PARM1: variants seen among roughly 807,000 people sequenced by gnomAD.
PARM1 encodes WSC4, cell wall integrity and stress response component 4 homolog.
In PARM1, 14 loss-of-function variants were observed where a neutral mutation model predicts 24.6. The observed-to-expected ratio is 0.57, with a 90% CI of 0.38 to 0.89. The LOEUF (loss-of-function observed/expected upper bound fraction) is 0.89. Ranked by LOEUF, PARM1 falls within the 40% of genes least tolerant of loss-of-function variation. The pLI is 0.00. For synonymous variants in PARM1, 179 were observed against 156.6 expected, an observed-to-expected ratio of 1.14 and a Z score of -1.07; for missense variants, 362 against 380.4, an observed-to-expected ratio of 0.95 and a Z score of 0.40.
chr4:74,978,373 T>C lies in PARM1; in HGVS notation c.44-34052T>C, dbSNP rs187129158. ...CAAAGATAAAAAAATACAAAGAAGG[T>C]CATAATGGTAAAGGGTTCAATTCAA... On this transcript the variant is annotated intron_variant, in intron 1 of 3. Coordinates refer to ENST00000307428, the MANE Select transcript of PARM1 (RefSeq NM_015393.4). Among the ~76,000 whole-genome samples the C allele has an allele frequency of 4.4e-3, 661 of 151,186 alleles. 3 individuals are homozygous for C. The highest frequency in any genetic ancestry group is 7.5e-3 in the Non-Finnish European group (504 of 67,400).
chr4:74,990,458 T>C (rs767085682), intron 1 of PARM1, among the ~76,000 whole-genome samples: 16 of 152,184 alleles, frequency 1.1e-4, no homozygotes, highest in Non-Finnish European at 1.9e-4. Context: ...TCCAAAATAC[T>C]GTTGGCTTCA....
In PARM1 at chr4:74,933,196, G is replaced by T; in HGVS notation, c.-132G>T. The T allele has an allele frequency of 1.4e-6, 1 of 700,672 alleles. No individual in the cohort carries two copies. The highest frequency in any genetic ancestry group is 2.5e-6 in the Non-Finnish European group (1 of 400,996). The allele number at this position is 700,672 out of a possible 1,614,324, so 43.4% of individuals were successfully genotyped here. Reference sequence around the variant, plus strand: ...CTCGTTTGCCTCGCGCCCTCCACTGGAGCTGTTCGCGCCTCCCGGCTCCCA... The same window carrying T: ...CTCGTTTGCCTCGCGCCCTCCACTGTAGCTGTTCGCGCCTCCCGGCTCCCA... On this transcript the variant is annotated 5_prime_UTR_variant, in exon 1 of 4. Coordinates refer to ENST00000307428, the MANE Select transcript of PARM1 (RefSeq NM_015393.4).
intron 2 of PARM1, among the ~76,000 whole-genome samples, chr4:75,030,993 C>T (rs1042065828): frequency 6.6e-6 from 1 of 152,158 alleles, no homozygotes; most frequent in East Asian, 1.9e-4. Flanking sequence ...TTTTCAGTCA[C>T]CCTATAAAGT....
chr4:74,982,100 A>G (rs1722268703), intron 1 of PARM1, among the ~76,000 whole-genome samples: 1 of 152,210 alleles, frequency 6.6e-6, no homozygotes, highest in African/African-American at 2.4e-5. Context: ...TACATGATGG[A>G]ATACTATGCA....
chr4:74,988,436 T>C (rs1220224396), intron 1 of PARM1, among the ~76,000 whole-genome samples: 1 of 152,128 alleles, frequency 6.6e-6, no homozygotes, highest in East Asian at 1.9e-4. Flanking sequence ...TGCTGCTGTG[T>C]AAATATGGGA....
intron 2 of PARM1, among the ~76,000 whole-genome samples, chr4:75,031,472 G>T (rs1429329329): frequency 6.6e-6 from 1 of 151,772 alleles, no homozygotes; most frequent in Non-Finnish European, 1.5e-5. Context: ...GGTACACTTG[G>T]AGCTAGAGAG....
At chr4:75,003,127 C>G (rs891986470) in intron 1 of PARM1, among the ~76,000 whole-genome samples, 11 of 152,160 alleles carry the variant, frequency 7.2e-5, no homozygotes, top group Non-Finnish European at 1.3e-4. Context: ...AGAGAAGCTG[C>G]TTGCCCTCCT....
chr4:75,006,115 G>T (rs1560789661), intron 1 of PARM1, among the ~76,000 whole-genome samples: 1 of 152,172 alleles, frequency 6.6e-6, no homozygotes, highest in African/African-American at 2.4e-5. Context: ...TGTGTTTTGG[G>T]TGGGAAGGTG....
chr4:75,035,980 C>T (rs1405507560), intron 3 of PARM1, among the ~76,000 whole-genome samples: 1 of 152,050 alleles, frequency 6.6e-6, no homozygotes, highest in African/African-American at 2.4e-5. Flanking sequence ...GCAGATACAC[C>T]GTATTTTAAT....
intron 3 of PARM1, among the ~76,000 whole-genome samples, chr4:75,041,916 C>G (rs1723496371): frequency 6.6e-6 from 1 of 152,182 alleles, no homozygotes; most frequent in Non-Finnish European, 1.5e-5. Flanking sequence ...AGCACAGTGC[C>G]ATTGATTAAC....
chr4:75,049,974 T>C lies in PARM1; in HGVS notation c.*3727T>C, dbSNP rs1226420821. On this transcript the variant is annotated 3_prime_UTR_variant, in exon 4 of 4. Transcript: ENST00000307428. Reference sequence around the variant, plus strand: ...AAGAGATCAATGCCAGATTTTTCTCTTGGGGTAAGTTAGCTGAAGTCATTT... The same window carrying C: ...AAGAGATCAATGCCAGATTTTTCTCCTGGGGTAAGTTAGCTGAAGTCATTT... 6.6e-6 allele frequency: 1 copy of C among 152,480 alleles called. No homozygotes were observed. The highest frequency in any genetic ancestry group is 2.4e-5 in the African/African-American group (1 of 41,378). 9.4% of individuals were successfully genotyped at this position (152,480 alleles called of 1,614,324 possible).
At chr4:75,033,806 G>A in intron 2 of PARM1, 77 bp from the exon 3 acceptor site, 4 of 1,148,450 alleles carry the variant, frequency 3.5e-6, no homozygotes, top group Non-Finnish European at 5.0e-6. Context: ...GCAGAAGGTG[G>A]ATACTACGCA....
intron 1 of PARM1, among the ~76,000 whole-genome samples, chr4:74,947,395 G>A (rs1053910701): frequency 6.6e-6 from 1 of 151,998 alleles, no homozygotes; most frequent in Non-Finnish European, 1.5e-5. Context: ...GATTGACAGA[G>A]GTAGGAGGAA....
chr4:74,987,223 A>G (rs930017875), intron 1 of PARM1, among the ~76,000 whole-genome samples: 1 of 152,156 alleles, frequency 6.6e-6, no homozygotes, highest in Non-Finnish European at 1.5e-5. Flanking sequence ...AGTTTCCTAG[A>G]GGAAAGAATC....
intron 2 of PARM1, among the ~76,000 whole-genome samples, chr4:75,015,049 G>A (rs1722955443): frequency 6.6e-6 from 1 of 152,084 alleles, no homozygotes; most frequent in South Asian, 2.1e-4. Flanking sequence ...CCACTTGTCT[G>A]TACAACTTTT....
At chr4:74,946,451 G>A (rs953032783) in intron 1 of PARM1, among the ~76,000 whole-genome samples, 1 of 152,102 alleles carries the variant, frequency 6.6e-6, no homozygotes, top group African/African-American at 2.4e-5. Context: ...GACTTATTTA[G>A]GCCATGCCAA....
At chr4:75,036,527 A>G (rs893572457) in intron 3 of PARM1, among the ~76,000 whole-genome samples, 1 of 152,178 alleles carries the variant, frequency 6.6e-6, no homozygotes. Flanking sequence ...CAACATCATC[A>G]TCATCATCAA....
intron 1 of PARM1, among the ~76,000 whole-genome samples, chr4:74,935,534 G>T (rs1006872029): frequency 6.6e-6 from 1 of 152,156 alleles, no homozygotes; most frequent in Non-Finnish European, 1.5e-5. Context: ...TGTTTTGGGG[G>T]CTTATCCCAG....
chr4:75,024,166 GGA>G (rs1723138001), intron 2 of PARM1, among the ~76,000 whole-genome samples: 1 of 152,096 alleles, frequency 6.6e-6, no homozygotes, highest in African/African-American at 2.4e-5. Context: ...CAGCTACTCC[GGA>G]GGCTGAGGCA....
Sources: gnomAD v4.1 joint callset for allele counts (sites outside exome capture counted in the v4.1 genomes callset) on GRCh38, gnomAD v4.1.1 for gene constraint, MANE v1.5 for transcripts, NCBI Gene and HGNC (gene_info 2026-07-23, HGNC 2026-07-21) for gene names.